The following SLC8A1 variants were observed in gnomAD, a reference collection of about 807,000 sequenced individuals.
The protein encoded by SLC8A1 is solute carrier family 8 member A1.
Under a neutral mutation model 68.3 loss-of-function variants are expected in SLC8A1, and 18 were observed. The ratio of observed to expected loss-of-function variants is 0.26; its 90% confidence interval spans 0.18 to 0.39. The LOEUF (loss-of-function observed/expected upper bound fraction) is 0.39, where lower values mean the gene tolerates loss of function less well. Ranked by LOEUF, SLC8A1 falls within the 10% of genes least tolerant of loss-of-function variation. The probability of loss-of-function intolerance (pLI) is 1.00; values close to 1 mark genes in which losing one functional copy is unlikely to be tolerated. For synonymous variants in SLC8A1, 475 were observed against 415.5 expected (o/e 1.14, Z -1.74); for missense variants, 985 against 1,156.7 (o/e 0.85, Z 2.15).
chr2:40,283,916 C>T (rs995319257), intron 2 of SLC8A1, among the ~76,000 whole-genome samples: 1 of 152,174 alleles, frequency 6.6e-6, no homozygotes, highest in Middle Eastern at 3.4e-3. Flanking sequence ...CTACCCCCCA[C>T]CTTTTATTTT....
chr2:40,163,422 T>C (rs1319402469), intron 5 of SLC8A1, among the ~76,000 whole-genome samples: 1 of 152,174 alleles, frequency 6.6e-6, no homozygotes, highest in Non-Finnish European at 1.5e-5. Flanking sequence ...CCATAGACTC[T>C]CTGCTACAGA....
intron 2 of SLC8A1, among the ~76,000 whole-genome samples, chr2:40,274,745 C>T (rs1014344056): frequency 1.3e-5 from 2 of 152,264 alleles, no homozygotes; most frequent in African/African-American, 4.8e-5. Context: ...AGTTATATAT[C>T]TCCCCTAGAG....
chr2:40,507,707 G>A lies in SLC8A1; in HGVS notation c.-25+4642C>T, dbSNP rs1275629422. Reference sequence around the variant, plus strand: ...TTATTTAACTTTTCTGTGTGTCAGTGTTTCCATCTGTAAAATGGGTGACTA... The same window carrying A: ...TTATTTAACTTTTCTGTGTGTCAGTATTTCCATCTGTAAAATGGGTGACTA... On this transcript the variant is annotated intron_variant, in intron 1 of 7. Coordinates refer to the SLC8A1 transcript ENST00000402441. 2.6e-5 allele frequency among the ~76,000 whole-genome samples: 4 copies of A among 152,022 alleles called. No individual in the cohort carries two copies. In the East Asian group the frequency reaches 7.7e-4, roughly 29 times the overall value.
At chr2:40,135,422 G>C (rs960516919) in intron 7 of SLC8A1, among the ~76,000 whole-genome samples, 1 of 152,176 alleles carries the variant, frequency 6.6e-6, no homozygotes, top group South Asian at 2.1e-4. Flanking sequence ...TTATAGGAAA[G>C]GTCAGCCAGG....
chr2:40,384,416 G>C (rs894035076), intron 2 of SLC8A1, among the ~76,000 whole-genome samples: 1 of 151,988 alleles, frequency 6.6e-6, no homozygotes, highest in Non-Finnish European at 1.5e-5. Flanking sequence ...GTCTCAAGCA[G>C]AACAGAACCT....
chr2:40,241,475 A>G (rs2061216888), intron 2 of SLC8A1, among the ~76,000 whole-genome samples: 1 of 152,206 alleles, frequency 6.6e-6, no homozygotes, highest in African/African-American at 2.4e-5. Context: ...CGTCAAAAAT[A>G]AAAGTTGAAA....
At chr2:40,138,508 A>G (rs1281076591) in intron 7 of SLC8A1, among the ~76,000 whole-genome samples, 2 of 152,174 alleles carry the variant, frequency 1.3e-5, no homozygotes, top group African/African-American at 4.8e-5. Context: ...AAGGCTATAT[A>G]TCTGTCAAGA....
chr2:40,205,552 A>C (rs902936977), intron 2 of SLC8A1, among the ~76,000 whole-genome samples: 1 of 152,072 alleles, frequency 6.6e-6, no homozygotes, highest in African/African-American at 2.4e-5. Flanking sequence ...AAGGAACAGA[A>C]AACCAAACAC....
chr2:40,388,323 AGTT>A (rs1448347159), intron 2 of SLC8A1, among the ~76,000 whole-genome samples: 1 of 152,176 alleles, frequency 6.6e-6, no homozygotes, highest in Non-Finnish European at 1.5e-5. Context: ...TAAGATATAT[AGTT>A]GTTGTTGCAT....
chr2:40,107,456 G>T (rs999576544), exon 8 of SLC8A1: 1 of 151,636 alleles, frequency 6.6e-6, no homozygotes, highest in African/African-American at 2.4e-5. Context: ...AAAAGGCAGA[G>T]GGCAATTAAA....
chr2:40,226,194 C>A (rs932830144), intron 2 of SLC8A1, among the ~76,000 whole-genome samples: 1 of 152,020 alleles, frequency 6.6e-6, no homozygotes, highest in East Asian at 1.9e-4. Flanking sequence ...ATGGGAAGGG[C>A]AAAGGATGGC....
intron 2 of SLC8A1, among the ~76,000 whole-genome samples, chr2:40,354,010 C>T (rs1434464107): frequency 6.6e-6 from 1 of 152,200 alleles, no homozygotes; most frequent in Non-Finnish European, 1.5e-5. Context: ...GAACATTATA[C>T]ACAAGTCATT....
intron 1 of SLC8A1, among the ~76,000 whole-genome samples, chr2:40,485,473 T>C (rs996107161): frequency 3.9e-5 from 6 of 152,198 alleles, no homozygotes; most frequent in African/African-American, 1.2e-4. Flanking sequence ...CTATTCCCTA[T>C]GTCTCTTGCT....
chr2:40,297,562 T>C (rs114056260), intron 2 of SLC8A1, among the ~76,000 whole-genome samples: 123 of 152,348 alleles, frequency 8.1e-4, no homozygotes, highest in Non-Finnish European at 1.3e-3. Context: ...AGATAAAACA[T>C]TGTATAGTCT....
At chr2:40,259,131 G>T (rs2149085879) in intron 2 of SLC8A1, among the ~76,000 whole-genome samples, 1 of 152,204 alleles carries the variant, frequency 6.6e-6, no homozygotes, top group East Asian at 1.9e-4. Context: ...TTTCTGGATG[G>T]CTCAGAGTTG....
chr2:40,141,638 C>T (rs1162291316), intron 6 of SLC8A1, among the ~76,000 whole-genome samples: 1 of 152,124 alleles, frequency 6.6e-6, no homozygotes, highest in Non-Finnish European at 1.5e-5. Context: ...ATCAACTTTA[C>T]CTGGAAGCAG....
intron 2 of SLC8A1, among the ~76,000 whole-genome samples, chr2:40,297,145 C>T (rs2070547437): frequency 6.6e-6 from 1 of 152,050 alleles, no homozygotes; most frequent in Admixed American, 6.6e-5. Context: ...AAACTGGGTT[C>T]CTTGAGAGCA....
intron 7 of SLC8A1, among the ~76,000 whole-genome samples, chr2:40,129,118 T>A (rs148337849): frequency 6.2e-4 from 95 of 152,314 alleles, no homozygotes; most frequent in African/African-American, 2.2e-3. Flanking sequence ...GTACTACAAA[T>A]GGATGCATTT....
In SLC8A1 at chr2:40,230,174, T is replaced by C. The variant is rs145889319; in HGVS notation, c.1809-52319A>G. Among the ~76,000 whole-genome samples, 257 of 152,298 alleles carry C rather than the reference T, an allele frequency of 1.7e-3. 2 individuals are homozygous for C. Among genetic ancestry groups the C allele is most frequent in the African/African-American group, 5.7e-3 (239 of 41,570 alleles). ...CCATCCTATGATAAGTACTGAATTA[T>C]AGGAAGGTCTCGCTAGTCCAGAAAC... On this transcript the variant is annotated intron_variant, in intron 2 of 7. Transcript: ENST00000406785.
Sources: allele counts gnomAD v4.1 joint callset (sites outside exome capture counted in the v4.1 genomes callset), GRCh38; gene constraint gnomAD v4.1.1; transcripts MANE v1.5; gene names NCBI Gene and HGNC (gene_info 2026-07-23, HGNC 2026-07-21).